TNS3: variants seen among roughly 807,000 people sequenced by gnomAD.
The protein encoded by TNS3 is tensin-3.
TNS3 carries 45 observed loss-of-function variants against 140.9 expected under a neutral mutation model. The observed-to-expected ratio is 0.32, with a 90% CI of 0.25 to 0.41. TNS3 has a LOEUF of 0.41. Among genes scored for constraint, TNS3 ranks in the 10% least tolerant of loss-of-function variants. The probability of loss-of-function intolerance (pLI) is 1.00; values close to 1 mark genes in which losing one functional copy is unlikely to be tolerated. For missense variants in TNS3, 1,716 were observed against 1,906.7 expected, an observed-to-expected ratio of 0.90 and a Z score of 1.86; for synonymous variants, 815 against 788.4, an observed-to-expected ratio of 1.03 and a Z score of -0.56.
Position 47,554,177 on chromosome 7 carries a change from G to A in TNS3, c.-264-25030C>T, listed in dbSNP as rs191623094. 3.3e-3 allele frequency among the ~76,000 whole-genome samples: 493 copies of A among 151,198 alleles called. 1 individual carries two copies. The highest frequency in any genetic ancestry group is 7.3e-3 in the Admixed American group (111 of 15,260). On this transcript the variant is annotated intron_variant, in intron 1 of 30. Coordinates refer to ENST00000311160, the MANE Select transcript of TNS3 (RefSeq NM_022748.12). ...CTCACACCTGTAATCCCAGCACTTTGGGAGGCCAAGACGGGTAGATCACCT... is the reference window on the plus strand; with the variant it reads ...CTCACACCTGTAATCCCAGCACTTTAGGAGGCCAAGACGGGTAGATCACCT...
intron 27 of TNS3, among the ~76,000 whole-genome samples, chr7:47,284,303 A>G (rs1785298154): frequency 6.6e-6 from 1 of 152,196 alleles, no homozygotes; most frequent in South Asian, 2.1e-4. Context: ...GGCCCTTGAG[A>G]AACAACCATG....
chr7:47,407,899 T>G lies in TNS3; in HGVS notation c.723+3828A>C, dbSNP rs951514102. On this transcript the variant is annotated intron_variant, in intron 13 of 30. Transcript: ENST00000311160. The surrounding 1 kb of genome is among the most constrained non-coding windows in gnomAD (Gnocchi z 4.1). ...CCTCCAGGACTGTGGGAGAATCACC[T>G]CTGTTGTTTAAGCTGAGACCAAAGG... Among the ~76,000 whole-genome samples, 1 of 152,038 alleles carries G rather than the reference T, an allele frequency of 6.6e-6. No homozygotes were observed. Among genetic ancestry groups the G allele is most frequent in the Non-Finnish European group, 1.5e-5 (1 of 68,022 alleles).
chr7:47,439,657 G>C lies in TNS3; in HGVS notation c.-21C>G. ...TCCATGGTGGGACTCAGGATGACGG[G>C]CCTGCGAGAGAGCAGTGGGCAGATC... On this transcript the variant is annotated splice_region_variant and 5_prime_UTR_variant, in exon 6 of 31. Transcript: ENST00000311160. 6.2e-7 allele frequency: 1 copy of C among 1,613,724 alleles called. No homozygotes were observed. Among genetic ancestry groups the C allele is most frequent in the East Asian group, 2.2e-5 (1 of 44,862 alleles).
intron 1 of TNS3, among the ~76,000 whole-genome samples, chr7:47,539,788 C>T (rs1328672898): frequency 6.6e-6 from 1 of 152,214 alleles, no homozygotes; most frequent in African/African-American, 2.4e-5. Context: ...ATTTTCCACA[C>T]ACAGCACCAA....
In TNS3 at chr7:47,275,325, T is replaced by C. The variant is rs1434223828; in HGVS notation, c.*2751A>G. ...AAGGCAGAGAAGACGTTACAAGGTA[T>C]TTGATGCTGAGAATAAATGCACAGT... On this transcript the variant is annotated 3_prime_UTR_variant, in exon 31 of 31. Coordinates refer to ENST00000311160, the MANE Select transcript of TNS3 (RefSeq NM_022748.12). 6.5e-6 allele frequency: 1 copy of C among 152,752 alleles called. No homozygotes were observed. Among genetic ancestry groups the C allele is most frequent in the African/African-American group, 2.4e-5 (1 of 41,460 alleles). 9.5% of individuals were successfully genotyped at this position (152,752 alleles called of 1,614,324 possible). A position where few individuals can be genotyped will look rare whatever the true frequency, so the allele number is the denominator to read the frequency against.
intron 8 of TNS3, among the ~76,000 whole-genome samples, chr7:47,429,014 C>A (rs749261322): frequency 6.6e-6 from 1 of 152,314 alleles, no homozygotes; most frequent in East Asian, 1.9e-4. Flanking sequence ...GCCACCTTCA[C>A]CCAGGGCCAC....
At chr7:47,576,006 C>G (rs1283990669) in intron 1 of TNS3, among the ~76,000 whole-genome samples, 3 of 152,098 alleles carry the variant, frequency 2.0e-5, no homozygotes, top group African/African-American at 7.2e-5. Flanking sequence ...GACATGGACA[C>G]AGGCCCCCTT....
At chr7:47,474,756 C>A (rs901954876) in intron 4 of TNS3, among the ~76,000 whole-genome samples, 8 of 148,158 alleles carry the variant, frequency 5.4e-5, no homozygotes, top group African/African-American at 1.0e-4. Context: ...CAACACACAA[C>A]ACACAAAGCA....
At chr7:47,284,178 T>C (rs1785292312) in intron 27 of TNS3, among the ~76,000 whole-genome samples, 1 of 152,178 alleles carries the variant, frequency 6.6e-6, no homozygotes, top group African/African-American at 2.4e-5. Context: ...TGCAGCAGTA[T>C]TAAACCCTCG....
intron 3 of TNS3, among the ~76,000 whole-genome samples, chr7:47,502,563 GC>G (rs992234748): frequency 6.6e-6 from 1 of 152,320 alleles, no homozygotes; most frequent in African/African-American, 2.4e-5. Context: ...CCCAGCAAAG[GC>G]CCCCAGGGCA....
In TNS3 at chr7:47,297,047, G is replaced by A. The variant is rs1786065797; in HGVS notation, c.3676+35C>T. 2.5e-6 allele frequency: 4 copies of A among 1,613,224 alleles called. No homozygotes were observed. In the East Asian group the frequency reaches 8.9e-5, roughly 36 times the overall value. ...AAACCAACAGAGTTTCTCTGTGGAT[G>A]AGCTGAACAGATCAATAGGGAGCAG... is the stretch of plus-strand genomic sequence containing the variant. On this transcript the variant is annotated intron_variant, in intron 24 of 30. Transcript: ENST00000311160.
intron 4 of TNS3, among the ~76,000 whole-genome samples, chr7:47,448,747 G>C (rs963211782): frequency 4.6e-5 from 7 of 152,162 alleles, no homozygotes; most frequent in African/African-American, 1.7e-4. Context: ...CCAATGCTGG[G>C]ATTGCAGGCG....
rs767469131 is a variant in TNS3, at chr7:47,303,537, A to G, written c.2870T>C (p.Met957Thr). ...CCGGCCGCTCCCCAGCAGGGAAACCATGGGCTTGGGGCTGCTCTCCACCCA... is the reference window on the plus strand; with the variant it reads ...CCGGCCGCTCCCCAGCAGGGAAACCGTGGGCTTGGGGCTGCTCTCCACCCA... The part of the protein sequence containing the change: ...RQWVESSPKP[M>T]VSLLGSGRPT... The change falls in exon 22 of 31, where the codon ATG (methionine) becomes ACG (threonine). Residue 957 changes from methionine to threonine, a missense_variant. Around this residue, in one of 3 missense-constraint regions of TNS3, gnomAD observed 1,163 missense variants for 1,182.1 expected, o/e 0.98. Coordinates refer to ENST00000311160, the MANE Select transcript of TNS3 (RefSeq NM_022748.12). 1.7e-5 allele frequency: 27 copies of G among 1,605,004 alleles called. No homozygotes were observed. The highest frequency in any genetic ancestry group is 1.2e-4 in the Admixed American group (7 of 59,700).
intron 16 of TNS3, among the ~76,000 whole-genome samples, chr7:47,375,096 A>C (rs1584510755): frequency 6.6e-6 from 1 of 152,190 alleles, no homozygotes; most frequent in African/African-American, 2.4e-5. Flanking sequence ...TTCCATCTCA[A>C]AGGGAGCATG....
At chr7:47,373,108 C>T (rs988459062) in intron 16 of TNS3, among the ~76,000 whole-genome samples, 1 of 152,122 alleles carries the variant, frequency 6.6e-6, no homozygotes. Flanking sequence ...CTGGAACACA[C>T]CGTTCCTATC....
intron 16 of TNS3, among the ~76,000 whole-genome samples, chr7:47,392,987 C>G (rs947499573): frequency 6.6e-6 from 1 of 152,160 alleles, no homozygotes; most frequent in African/African-American, 2.4e-5. Flanking sequence ...TAAGATCAAA[C>G]GCACTTTGGA....
chr7:47,554,917 A>G (rs772010720), intron 1 of TNS3, among the ~76,000 whole-genome samples: 4 of 151,786 alleles, frequency 2.6e-5, no homozygotes, highest in Non-Finnish European at 4.4e-5. Context: ...AATCCCAGCT[A>G]CTCAGGAGGC....
At chr7:47,444,520 C>T (rs920549927) in intron 4 of TNS3, among the ~76,000 whole-genome samples, 8 of 152,192 alleles carry the variant, frequency 5.3e-5, no homozygotes, top group Non-Finnish European at 1.0e-4. Context: ...CCGGCACCAA[C>T]GTGATGGGGT....
At chr7:47,356,847 A>C (rs1790020683) in intron 17 of TNS3, among the ~76,000 whole-genome samples, 1 of 151,386 alleles carries the variant, frequency 6.6e-6, no homozygotes, top group Non-Finnish European at 1.5e-5. Context: ...GAGACTGAGG[A>C]GGGTGGATCT....
Sources: allele counts gnomAD v4.1 joint callset (sites outside exome capture counted in the v4.1 genomes callset), GRCh38; gene constraint gnomAD v4.1.1; regional missense constraint gnomAD v4.1.1; non-coding constraint Gnocchi (gnomAD v3.1); transcripts MANE v1.5; gene names NCBI Gene and HGNC (gene_info 2026-07-23, HGNC 2026-07-21).